The following UBAC2 variants were observed in gnomAD, a reference collection of about 807,000 sequenced individuals.
UBAC2 encodes the protein UBA domain containing 2.
In UBAC2, 26 loss-of-function variants were observed where a neutral mutation model predicts 44.0. That is an observed-to-expected ratio of 0.59 (90% CI 0.43 to 0.82). The LOEUF is 0.82. Among genes scored for constraint, UBAC2 ranks in the 40% least tolerant of loss-of-function variants. The pLI is 0.00. For missense variants in UBAC2, 329 were observed against 419.4 expected (o/e 0.78, Z 1.88); for synonymous variants, 155 against 154.3 (o/e 1.00, Z -0.04).
chr13:99,329,185 T>C (rs2044680211), intron 6 of UBAC2, among the ~76,000 whole-genome samples: 1 of 152,230 alleles, frequency 6.6e-6, no homozygotes, highest in Non-Finnish European at 1.5e-5. Flanking sequence ...ACTGCACTGA[T>C]GACTACAGCT....
chr13:99,367,569 T>G (rs2045348067), intron 7 of UBAC2, among the ~76,000 whole-genome samples: 1 of 152,216 alleles, frequency 6.6e-6, no homozygotes, highest in Non-Finnish European at 1.5e-5. Flanking sequence ...GCCTATTACT[T>G]TCTTTTCTCC....
intron 4 of UBAC2, among the ~76,000 whole-genome samples, chr13:99,266,170 A>G (rs906603251): frequency 6.6e-6 from 1 of 151,790 alleles, no homozygotes; most frequent in African/African-American, 2.4e-5. Context: ...AATATTATAA[A>G]ATATTTTAAT....
chr13:99,355,640 A>T (rs532227894), intron 7 of UBAC2, among the ~76,000 whole-genome samples: 1 of 152,334 alleles, frequency 6.6e-6, no homozygotes, highest in South Asian at 2.1e-4. Flanking sequence ...AGGTTGGGAC[A>T]CCTCTGGTCC....
At chr13:99,368,383 A>G (rs1462234501) in intron 8 of UBAC2, among the ~76,000 whole-genome samples, 1 of 152,248 alleles carries the variant, frequency 6.6e-6, no homozygotes, top group African/African-American at 2.4e-5. Flanking sequence ...AATGAATAAC[A>G]TAATCACATT....
intron 4 of UBAC2, among the ~76,000 whole-genome samples, chr13:99,269,653 C>T (rs1019780262): frequency 3.3e-5 from 5 of 152,116 alleles, no homozygotes; most frequent in African/African-American, 1.2e-4. Context: ...ATATTTGAAA[C>T]ATTTATAAAA....
intron 7 of UBAC2, among the ~76,000 whole-genome samples, chr13:99,349,492 G>C (rs1349999884): frequency 6.6e-6 from 1 of 152,186 alleles, no homozygotes; most frequent in Non-Finnish European, 1.5e-5. Context: ...TAGTGGCCCT[G>C]AACGGCTGGG....
intron 4 of UBAC2, chr13:99,254,926 C>T (rs150612287): frequency 2.7e-5 from 43 of 1,613,992 alleles, no homozygotes; most frequent in African/African-American, 4.0e-5. Flanking sequence ...ACTACCAGAT[C>T]GGAAACTTTT....
intron 4 of UBAC2, among the ~76,000 whole-genome samples, chr13:99,302,930 A>C (rs923671681): frequency 6.6e-6 from 1 of 152,168 alleles, no homozygotes; most frequent in Non-Finnish European, 1.5e-5. Flanking sequence ...GTTTATGTCC[A>C]TGATTCATTT....
chr13:99,207,368 C>T (rs2042884804), intron 1 of UBAC2, among the ~76,000 whole-genome samples: 1 of 152,142 alleles, frequency 6.6e-6, no homozygotes, highest in African/African-American at 2.4e-5. Flanking sequence ...TTCTTCTGAG[C>T]CTATTCTTAA....
At chr13:99,309,010 T>C (rs1162353416) in intron 4 of UBAC2, among the ~76,000 whole-genome samples, 1 of 152,208 alleles carries the variant, frequency 6.6e-6, no homozygotes, top group Non-Finnish European at 1.5e-5. Flanking sequence ...GGTGGGGTTT[T>C]GCCTGTTAAT....
chr13:99,286,513 A>G (rs1302423904), intron 4 of UBAC2, among the ~76,000 whole-genome samples: 1 of 150,824 alleles, frequency 6.6e-6, no homozygotes. Context: ...TTTTTTTCCC[A>G]CTTTTAGGTT....
chr13:99,236,159 G>A (rs1335376074), intron 1 of UBAC2, among the ~76,000 whole-genome samples: 2 of 152,192 alleles, frequency 1.3e-5, no homozygotes, highest in Non-Finnish European at 2.9e-5. Flanking sequence ...GACTTTTTGT[G>A]TAAGATCTCA....
intron 1 of UBAC2, among the ~76,000 whole-genome samples, chr13:99,222,272 T>C (rs373985587): frequency 9.9e-5 from 15 of 152,270 alleles, no homozygotes; most frequent in Non-Finnish European, 1.5e-4. Flanking sequence ...AAAATCACGA[T>C]GGAAGGCCAC....
chr13:99,291,728 GCCTTCAGTT>G (rs2138708207), intron 4 of UBAC2, among the ~76,000 whole-genome samples: 1 of 152,268 alleles, frequency 6.6e-6, no homozygotes, highest in Admixed American at 6.5e-5. Context: ...TTGTGTAACT[GCCTTCAGTT>G]ACACACGTGC....
At chr13:99,341,905 G>A (rs1444294496) in intron 7 of UBAC2, among the ~76,000 whole-genome samples, 1 of 152,176 alleles carries the variant, frequency 6.6e-6, no homozygotes, top group Non-Finnish European at 1.5e-5. Flanking sequence ...GATAATCTTA[G>A]ATAGATGACT....
At chr13:99,347,347 G>C (rs1319132) in intron 7 of UBAC2, among the ~76,000 whole-genome samples, 66,782 of 114,004 alleles carry the variant, frequency 0.59, 20,791 homozygotes, top group Non-Finnish European at 0.7. Flanking sequence ...GAAAAAAAAG[G>C]CAAGTGAAGA....
At chr13:99,374,061 A>G (rs891599707) in intron 8 of UBAC2, among the ~76,000 whole-genome samples, 3 of 152,224 alleles carry the variant, frequency 2.0e-5, no homozygotes, top group East Asian at 1.9e-4. Flanking sequence ...TGACAGATCT[A>G]TTTGGCTTTT....
chr13:99,315,645 G>A (rs1311029238), intron 5 of UBAC2, among the ~76,000 whole-genome samples: 5 of 151,988 alleles, frequency 3.3e-5, no homozygotes, highest in Admixed American at 6.5e-5. Flanking sequence ...TATCAAATGG[G>A]GATGATAATA....
chr13:99,340,814 A>G (rs1473736674), intron 7 of UBAC2, among the ~76,000 whole-genome samples: 1 of 152,258 alleles, frequency 6.6e-6, no homozygotes, highest in African/African-American at 2.4e-5. Context: ...TTAGATAAGC[A>G]TGACTTCTTA....
Sources: gnomAD v4.1 joint callset for allele counts (sites outside exome capture counted in the v4.1 genomes callset) on GRCh38, gnomAD v4.1.1 for gene constraint, MANE v1.5 for transcripts, NCBI Gene and HGNC (gene_info 2026-07-23, HGNC 2026-07-21) for gene names.